The following SRGAP2C variants were observed in gnomAD, a reference collection of about 807,000 sequenced individuals.
SRGAP2C encodes SLIT-ROBO Rho GTPase activating protein 2C.
A neutral mutation model predicts 25.1 loss-of-function variants in SRGAP2C; 15 were observed. That is an observed-to-expected ratio of 0.60 (90% CI 0.40 to 0.92). SRGAP2C has a LOEUF of 0.92. SRGAP2C is among the 40% of genes least tolerant of loss of function. SRGAP2C has a pLI of 0.00. For synonymous variants in SRGAP2C, 44 were observed against 96.6 expected (o/e 0.46, Z 3.19); for missense variants, 144 against 264.4 (o/e 0.54, Z 3.16).
At chr1:121,219,193 T>C (rs1655471695) in intron 2 of SRGAP2C, among the ~76,000 whole-genome samples, 1 of 146,968 alleles carries the variant, frequency 6.8e-6, no homozygotes, top group Admixed American at 6.7e-5. Context: ...CCAACCTGGC[T>C]GGTGGGAGTA....
intron 2 of SRGAP2C, among the ~76,000 whole-genome samples, chr1:121,267,306 G>A (rs1656820968): frequency 6.6e-6 from 1 of 150,384 alleles, no homozygotes; most frequent in African/African-American, 2.5e-5. Flanking sequence ...CGGTTCTCAT[G>A]GCTTGGCTTC....
chr1:121,359,398 C>CT (rs1408041890), intron 4 of SRGAP2C, among the ~76,000 whole-genome samples: 42 of 147,474 alleles, frequency 2.8e-4, no homozygotes, highest in Non-Finnish European at 5.4e-4. Flanking sequence ...CCCAGCTACT[C>CT]TAAGAGGCTG....
chr1:121,296,071 G>GT (rs1215155701), intron 3 of SRGAP2C, among the ~76,000 whole-genome samples: 4 of 143,154 alleles, frequency 2.8e-5, no homozygotes, highest in South Asian at 2.3e-4. Context: ...GAAATCTAGT[G>GT]TTTTTTTAAC....
At chr1:121,367,968 G>A (rs1349286153) in intron 5 of SRGAP2C, among the ~76,000 whole-genome samples, 2 of 106,502 alleles carry the variant, frequency 1.9e-5, no homozygotes, top group Non-Finnish European at 3.8e-5. Context: ...CCCAGCTACT[G>A]GGGAGGCTGA....
At chr1:121,339,276 G>T (rs1658593367) in intron 4 of SRGAP2C, among the ~76,000 whole-genome samples, 2 of 127,030 alleles carry the variant, frequency 1.6e-5, no homozygotes, top group Admixed American at 8.0e-5. Flanking sequence ...TTTTTTTGGA[G>T]ATGGAGTTTC....
intron 3 of SRGAP2C, among the ~76,000 whole-genome samples, chr1:121,295,874 G>A (rs1657588354): frequency 2.0e-5 from 3 of 152,060 alleles, no homozygotes; most frequent in African/African-American, 7.2e-5. Context: ...CTATTCTCCT[G>A]CCTCAGCCTC....
At chr1:121,268,289 C>T (rs1656853018) in intron 2 of SRGAP2C, among the ~76,000 whole-genome samples, 1 of 151,052 alleles carries the variant, frequency 6.6e-6, no homozygotes, top group East Asian at 1.9e-4. Context: ...AGTATGCTTC[C>T]AGCGAAGGGA....
intron 4 of SRGAP2C, among the ~76,000 whole-genome samples, chr1:121,325,368 CT>C (rs1658299072): frequency 7.1e-6 from 1 of 140,180 alleles, no homozygotes; most frequent in African/African-American, 2.7e-5. Flanking sequence ...GCCAATTCAC[CT>C]TACCTGTCAA....
chr1:121,228,705 A>C (rs1268488911), intron 2 of SRGAP2C, among the ~76,000 whole-genome samples: 2 of 152,056 alleles, frequency 1.3e-5, no homozygotes, highest in Non-Finnish European at 2.9e-5. Context: ...TTTCTTGTGA[A>C]GATACTGGTG....
intron 2 of SRGAP2C, among the ~76,000 whole-genome samples, chr1:121,270,700 GT>G (rs1425713148): frequency 7.3e-6 from 1 of 136,958 alleles, no homozygotes; most frequent in East Asian, 2.0e-4. Flanking sequence ...TGTTTTATCT[GT>G]ATCCCTCACC....
intron 8 of SRGAP2C, among the ~76,000 whole-genome samples, chr1:121,385,868 C>T (rs1183827776): frequency 3.3e-5 from 5 of 150,628 alleles, no homozygotes; most frequent in Admixed American, 2.6e-4. Context: ...ATAATCCTTG[C>T]GGGAAGGTCA....
intron 2 of SRGAP2C, among the ~76,000 whole-genome samples, chr1:121,272,334 T>G (rs1328841830): frequency 1.3e-5 from 2 of 151,586 alleles, no homozygotes; most frequent in Non-Finnish European, 2.9e-5. Flanking sequence ...ATAAGTAATT[T>G]GCCCAAGGTC....
intron 4 of SRGAP2C, among the ~76,000 whole-genome samples, chr1:121,343,207 T>C (rs1306504506): frequency 4.6e-5 from 7 of 151,816 alleles, no homozygotes; most frequent in Non-Finnish European, 8.8e-5. Flanking sequence ...TATATCAGCA[T>C]TGGTCCTTCT....
At position 121,221,410 on chromosome 1, in the gene SRGAP2C, C is replaced by T. The variant is rs1224681774; in HGVS notation, c.67+33897C>T. 4.3e-4 allele frequency among the ~76,000 whole-genome samples: 33 copies of T among 76,556 alleles called. 12 individuals are homozygous for T. Among genetic ancestry groups the T allele is most frequent in the Non-Finnish European group, 6.3e-4 (25 of 39,936 alleles). The allele number at this position is 76,556 out of a possible 152,430, so 50.2% of individuals were successfully genotyped here. A position where few individuals can be genotyped will look rare whatever the true frequency, so the allele number is the denominator to read the frequency against. On this transcript the variant is annotated intron_variant, in intron 2 of 9. Transcript: ENST00000367123. ...GTCTTTTTTGGATTACTTTATGTTC[C>T]TTAAAAAGAAAGACATTGGGCCAGG...
Position 121,226,133 on chromosome 1 carries a change from T to C in SRGAP2C, c.67+38620T>C, listed in dbSNP as rs1158758767. The stretch of plus-strand genomic sequence containing the variant: ...GTCTGTATATAAACCATTTAATTTC[T>C]CCATTTCTCTAAATGGGAAAAAAAA... On this transcript the variant is annotated intron_variant, in intron 2 of 9. Transcript: ENST00000367123. Among the ~76,000 whole-genome samples the C allele has an allele frequency of 2.0e-5, 3 of 151,020 alleles. No individual in the cohort carries two copies. In the East Asian group the frequency reaches 5.9e-4, roughly 30 times the overall value.
intron 3 of SRGAP2C, among the ~76,000 whole-genome samples, chr1:121,304,991 G>C (rs1386163823): frequency 3.3e-5 from 5 of 152,178 alleles, no homozygotes; most frequent in Non-Finnish European, 7.3e-5. Flanking sequence ...CATAGGTTAA[G>C]TCAGGGCTTT....
chr1:121,308,661 G>A (rs1553339733), intron 3 of SRGAP2C, among the ~76,000 whole-genome samples: 61 of 151,996 alleles, frequency 4.0e-4, no homozygotes, highest in Admixed American at 6.5e-4. Flanking sequence ...AGTATGGGCC[G>A]GGTGCGGTGG....
At chr1:121,300,100 G>A (rs1207643333) in intron 3 of SRGAP2C, among the ~76,000 whole-genome samples, 2 of 142,268 alleles carry the variant, frequency 1.4e-5, no homozygotes, top group African/African-American at 5.3e-5. Context: ...GTAATGGGTG[G>A]AAATGTGTGT....
At chr1:121,369,685 AAGGCGTTT>A (rs1659432425) in intron 5 of SRGAP2C, among the ~76,000 whole-genome samples, 1 of 115,086 alleles carries the variant, frequency 8.7e-6, no homozygotes, top group African/African-American at 3.5e-5. Context: ...TTCTGACCTC[AAGGCGTTT>A]AGTTTTAATA....
Sources: allele counts gnomAD v4.1 joint callset (sites outside exome capture counted in the v4.1 genomes callset), GRCh38; gene constraint gnomAD v4.1.1; transcripts MANE v1.5; gene names NCBI Gene and HGNC (gene_info 2026-07-23, HGNC 2026-07-21).